Variants in CAB39L observed in about 807,000 individuals in gnomAD.
CAB39L encodes the protein calcium binding protein 39 like.
CAB39L carries 23 observed loss-of-function variants against 39.1 expected under a neutral mutation model. That is an observed-to-expected ratio of 0.59 (90% CI 0.42 to 0.83). The LOEUF (loss-of-function observed/expected upper bound fraction) is 0.83, where lower values mean the gene tolerates loss of function less well. CAB39L is among the 40% of genes least tolerant of loss of function. The probability of loss-of-function intolerance (pLI) is 0.00; values close to 1 mark genes in which losing one functional copy is unlikely to be tolerated. For synonymous variants in CAB39L, 126 were observed against 137.2 expected (o/e 0.92, Z 0.57); for missense variants, 366 against 391.9 (o/e 0.93, Z 0.56).
intron 5 of CAB39L, among the ~76,000 whole-genome samples, chr13:49,365,249 A>C (rs772970398): frequency 1.7e-4 from 26 of 152,246 alleles, no homozygotes; most frequent in Admixed American, 6.5e-4. Context: ...ATCCACATGC[A>C]GAAGAATGAA....
At chr13:49,382,715 T>C (rs2138591227) in intron 4 of CAB39L, 85 bp downstream of exon 4, 1 of 841,658 alleles carries the variant, frequency 1.2e-6, no homozygotes, top group Non-Finnish European at 2.0e-6. Context: ...AGACCATATT[T>C]TGAATTCTTC....
chr13:49,330,133 A>C (rs1472875943), intron 10 of CAB39L, among the ~76,000 whole-genome samples: 1 of 152,200 alleles, frequency 6.6e-6, no homozygotes, highest in African/African-American at 2.4e-5. Flanking sequence ...CAAGACAGCT[A>C]CCAGAACAAG....
intron 3 of CAB39L, among the ~76,000 whole-genome samples, chr13:49,411,607 T>C (rs190174906): frequency 6.6e-6 from 1 of 152,272 alleles, no homozygotes; most frequent in East Asian, 1.9e-4. Context: ...ATTTATTTTA[T>C]TTCTTTATAG....
At chr13:49,415,310 T>C (rs1430198580) in intron 3 of CAB39L, among the ~76,000 whole-genome samples, 1 of 150,104 alleles carries the variant, frequency 6.7e-6, no homozygotes, top group Non-Finnish European at 1.5e-5. Flanking sequence ...AGGTCAAGAG[T>C]TCAAGACCAG....
At position 49,310,896 on chromosome 13, in the gene CAB39L, T is replaced by C. The variant is rs1953965119; in HGVS notation, c.932A>G (p.Glu311Gly). 3.7e-6 allele frequency: 6 copies of C among 1,614,062 alleles called. No individual in the cohort carries two copies. Among genetic ancestry groups the C allele is most frequent in the Non-Finnish European group, 5.1e-6 (6 of 1,180,036 alleles). The change falls in exon 11 of 11, where the codon GAA (glutamate) becomes GGA (glycine). Residue 311 changes from glutamate to glycine, a missense_variant. By Grantham distance (98) the Glu-to-Gly change is moderately conservative. Coordinates refer to ENST00000409308, the MANE Select transcript of CAB39L (RefSeq NM_001079670.3). ...LIEFLSSFQK[E>G]RTDDEQFADE... ...AGCGAACTGCTCATCATCCGTCCTT[T>C]CTTTTTGGAAGCTGCTCAGAAACTC...
intron 5 of CAB39L, among the ~76,000 whole-genome samples, chr13:49,369,433 C>T (rs779693312): frequency 2.0e-5 from 3 of 152,152 alleles, no homozygotes; most frequent in East Asian, 1.9e-4. Context: ...ATCTCAAATG[C>T]GTTATGCTGA....
At chr13:49,434,285 CA>C (rs1401099918) in intron 1 of CAB39L, 62 bp from the exon 2 acceptor site, 1 of 401,250 alleles carries the variant, frequency 2.5e-6, no homozygotes, top group Non-Finnish European at 4.9e-6. Flanking sequence ...TTTTAAATCT[CA>C]ATCTTCTACT....
In CAB39L at chr13:49,416,169, G is replaced by A. The variant is rs561108103; in HGVS notation, c.-32+17149C>T. Among the ~76,000 whole-genome samples the A allele has an allele frequency of 9.2e-5, 14 of 152,304 alleles. No homozygotes were observed. The South Asian group carries it at 2.9e-3, about 32-fold the overall frequency. On this transcript the variant is annotated intron_variant, in intron 3 of 10. Transcript: ENST00000409308. ...CTGTCTCACTGTTCATGGATGGGGA[G>A]GTGCAACTAAACTGGGTTGTAGTGA...
chr13:49,437,628 C>G (rs958016785), intron 1 of CAB39L, among the ~76,000 whole-genome samples: 1 of 152,174 alleles, frequency 6.6e-6, no homozygotes, highest in Non-Finnish European at 1.5e-5. Context: ...TGCCACTTCT[C>G]CATGGATTCT....
chr13:49,337,538 G>A (rs1276616407), intron 9 of CAB39L, among the ~76,000 whole-genome samples: 1 of 152,236 alleles, frequency 6.6e-6, no homozygotes, highest in Non-Finnish European at 1.5e-5. Context: ...GTCTTACTCT[G>A]TTGGGTTCCC....
At chr13:49,338,366 T>C (rs12872281) in intron 9 of CAB39L, among the ~76,000 whole-genome samples, 5 of 151,238 alleles carry the variant, frequency 3.3e-5, no homozygotes, top group African/African-American at 1.2e-4. Context: ...ATGGATGAAA[T>C]TGGAAATCAT....
chr13:49,329,878 T>G (rs1954637568), intron 10 of CAB39L, among the ~76,000 whole-genome samples: 1 of 152,078 alleles, frequency 6.6e-6, no homozygotes, highest in African/African-American at 2.4e-5. Context: ...CCCTTAGTCT[T>G]AAAATAGACT....
intron 3 of CAB39L, among the ~76,000 whole-genome samples, chr13:49,398,331 C>T (rs1956685050): frequency 6.6e-6 from 1 of 152,046 alleles, no homozygotes. Context: ...AATTAATAGA[C>T]ATGCTAATAT....
At chr13:49,432,564 TG>T (rs1488094034) in intron 3 of CAB39L, among the ~76,000 whole-genome samples, 2 of 152,242 alleles carry the variant, frequency 1.3e-5, no homozygotes, top group African/African-American at 4.8e-5. Context: ...TGTTACATTT[TG>T]TAATTTTAAA....
intron 4 of CAB39L, among the ~76,000 whole-genome samples, chr13:49,381,208 G>A (rs767865078): frequency 1.3e-5 from 2 of 152,188 alleles, no homozygotes; most frequent in Non-Finnish European, 2.9e-5. Context: ...GATTACAGGC[G>A]TGAGCCACTG....
At chr13:49,346,545 A>T (rs1371632096) in intron 7 of CAB39L, among the ~76,000 whole-genome samples, 1 of 152,032 alleles carries the variant, frequency 6.6e-6, no homozygotes, top group Non-Finnish European at 1.5e-5. Flanking sequence ...GAAAAATCTG[A>T]TATCTATATT....
In CAB39L at chr13:49,422,957, A is replaced by G. The variant is rs1957192212; in HGVS notation, c.-32+10361T>C. On this transcript the variant is annotated intron_variant, in intron 3 of 10. Coordinates refer to ENST00000409308, the MANE Select transcript of CAB39L (RefSeq NM_001079670.3). ...ATGATACTAGGTCATTTTTAAGAAC[A>G]CTAGAAAATGTTATTTTTACATTCT... 2.6e-5 allele frequency among the ~76,000 whole-genome samples: 4 copies of G among 152,218 alleles called. 1 individual carries two copies. In the South Asian group the frequency reaches 8.3e-4, roughly 31 times the overall value.
At chr13:49,345,431 T>C (rs1329644589) in intron 7 of CAB39L, among the ~76,000 whole-genome samples, 1 of 152,044 alleles carries the variant, frequency 6.6e-6, no homozygotes, top group Non-Finnish European at 1.5e-5. Context: ...AAACATGGTG[T>C]TTTTCCCCCC....
At chr13:49,390,780 A>T (rs898829655) in intron 3 of CAB39L, among the ~76,000 whole-genome samples, 1 of 152,172 alleles carries the variant, frequency 6.6e-6, no homozygotes, top group African/African-American at 2.4e-5. Context: ...CAATTTAAAG[A>T]CCAAGCCATG....
Sources: gnomAD v4.1 joint callset for allele counts (sites outside exome capture counted in the v4.1 genomes callset) on GRCh38, gnomAD v4.1.1 for gene constraint, MANE v1.5 for transcripts, NCBI Gene and HGNC (gene_info 2026-07-23, HGNC 2026-07-21) for gene names.